The following KIAA1217 variants were observed in gnomAD, a reference collection of about 807,000 sequenced individuals.
KIAA1217 encodes the protein KIAA1217.
Under a neutral mutation model 163.9 loss-of-function variants are expected in KIAA1217, and 88 were observed. That is an observed-to-expected ratio of 0.54 (90% CI 0.45 to 0.64). KIAA1217 has a LOEUF of 0.64. KIAA1217 is among the 30% of genes least tolerant of loss of function. The pLI is 0.00. For synonymous variants in KIAA1217, 903 were observed against 923.1 expected, an observed-to-expected ratio of 0.98 and a Z score of 0.39; for missense variants, 2,372 against 2,475.0, an observed-to-expected ratio of 0.96 and a Z score of 0.88.
chr10:24,028,785 CA>C (rs1848072097), intron 2 of KIAA1217, among the ~76,000 whole-genome samples: 2 of 151,762 alleles, frequency 1.3e-5, no homozygotes, highest in Admixed American at 1.3e-4. Context: ...TGAGGAGTAC[CA>C]AAAAAATCTG....
chr10:24,223,311 C>T (rs1205200152), intron 2 of KIAA1217, among the ~76,000 whole-genome samples: 1 of 152,186 alleles, frequency 6.6e-6, no homozygotes, highest in East Asian at 1.9e-4. Context: ...ATTGTAAACA[C>T]CAGAGATCGG....
intron 2 of KIAA1217, among the ~76,000 whole-genome samples, chr10:24,018,147 A>T (rs1384502597): frequency 2.6e-5 from 4 of 151,950 alleles, no homozygotes; most frequent in African/African-American, 9.7e-5. Flanking sequence ...TAAAAAAAAA[A>T]TTATAAGGAG....
chr10:24,250,717 C>T (rs1418573793), intron 2 of KIAA1217, among the ~76,000 whole-genome samples: 7 of 122,922 alleles, frequency 5.7e-5, no homozygotes, highest in African/African-American at 1.9e-4. Context: ...TCACAAAGTG[C>T]TGGGATTACA....
intron 3 of KIAA1217, among the ~76,000 whole-genome samples, chr10:24,427,266 G>A (rs1011100990): frequency 4.7e-5 from 7 of 150,390 alleles, no homozygotes; most frequent in Admixed American, 1.3e-4. Context: ...CATTCCCTTC[G>A]GTTGAGGTAA....
chr10:24,049,109 G>A (rs912571749), intron 2 of KIAA1217, among the ~76,000 whole-genome samples: 15 of 149,932 alleles, frequency 1.0e-4, no homozygotes, highest in Non-Finnish European at 1.6e-4. Flanking sequence ...TCTTCTTACC[G>A]TACTTTATTT....
chr10:24,041,925 G>C (rs1408125235), intron 2 of KIAA1217, among the ~76,000 whole-genome samples: 3 of 151,500 alleles, frequency 2.0e-5, no homozygotes, highest in Non-Finnish European at 4.4e-5. Context: ...TGTGTAGTCT[G>C]TGCATGCAAG....
chr10:23,957,025 C>A (rs1554830284), intron 1 of KIAA1217, among the ~76,000 whole-genome samples: 1 of 152,182 alleles, frequency 6.6e-6, no homozygotes, highest in Non-Finnish European at 1.5e-5. Context: ...GCCTGCACCA[C>A]CCCACTGGCT....
At chr10:23,878,072 T>C (rs1416311486) in intron 1 of KIAA1217, among the ~76,000 whole-genome samples, 1 of 151,852 alleles carries the variant, frequency 6.6e-6, no homozygotes, top group Non-Finnish European at 1.5e-5. Flanking sequence ...GCCCTCTGCT[T>C]TTTTTTCTTG....
chr10:23,952,650 C>T (rs1048222536), intron 1 of KIAA1217, among the ~76,000 whole-genome samples: 10 of 152,194 alleles, frequency 6.6e-5, no homozygotes, highest in African/African-American at 1.9e-4. Context: ...ATTTCACCTT[C>T]GTGAGCCTCA....
At chr10:24,346,961 A>AT (rs1482528650) in intron 2 of KIAA1217, among the ~76,000 whole-genome samples, 1 of 152,206 alleles carries the variant, frequency 6.6e-6, no homozygotes, top group African/African-American at 2.4e-5. Context: ...GAATCTGAAG[A>AT]TACTTCCTCA....
chr10:23,918,733 TACACACAC>T (rs1554823731), intron 1 of KIAA1217, among the ~76,000 whole-genome samples: 7 of 147,582 alleles, frequency 4.7e-5, no homozygotes, highest in South Asian at 4.3e-4. Flanking sequence ...ATTAAATATA[TACACACAC>T]ACACACACAC....
intron 2 of KIAA1217, among the ~76,000 whole-genome samples, chr10:24,359,905 T>C (rs1033201402): frequency 6.6e-6 from 1 of 152,092 alleles, no homozygotes; most frequent in Non-Finnish European, 1.5e-5. Context: ...CTTTAAGTAT[T>C]TTAAACAGTT....
chr10:24,198,523 T>C (rs1183770858), intron 2 of KIAA1217, among the ~76,000 whole-genome samples: 1 of 150,316 alleles, frequency 6.7e-6, no homozygotes. Flanking sequence ...GCAGGAGAAT[T>C]GCTTGAACCC....
At chr10:23,995,450 C>CTGTG (rs58865993) in intron 1 of KIAA1217, among the ~76,000 whole-genome samples, 6,391 of 147,766 alleles carry the variant, frequency 0.043, 263 homozygotes, top group African/African-American at 0.11. Flanking sequence ...CAATTATGGC[C>CTGTG]TGTGTGTGTG....
intron 2 of KIAA1217, among the ~76,000 whole-genome samples, chr10:24,020,413 A>T (rs7920150): frequency 1.3e-5 from 2 of 152,238 alleles, no homozygotes; most frequent in African/African-American, 4.8e-5. Context: ...TCTGCTGCTC[A>T]TAAGCTTGAG....
Position 24,544,424 on chromosome 10 carries a change from G to A in KIAA1217, c.5154G>A (p.Pro1718=), listed in dbSNP as rs777495201. 9.3e-6 allele frequency: 15 copies of A among 1,613,940 alleles called. No individual in the cohort carries two copies. The highest frequency in any genetic ancestry group is 1.3e-5 in the African/African-American group (1 of 74,890). Residue 1718 remains proline, a synonymous_variant, in exon 19 of 21, where the codon CCG becomes CCA. Transcript: ENST00000376454. The stretch of plus-strand genomic sequence containing the variant: ...CCTCTCCCCGACCCTTGCTAGTTCC[G>A]GATGAAGGTCCCACTGCCCTAGAGC... The part of the protein sequence containing the change: ...QEASPRPLLV[P]DEGPTALEPP...
chr10:23,827,765 T>C (rs562474321), intron 1 of KIAA1217, among the ~76,000 whole-genome samples: 2 of 152,346 alleles, frequency 1.3e-5, no homozygotes, highest in South Asian at 4.1e-4. Context: ...GTATGATTCC[T>C]GTGTGCACGA....
At chr10:24,252,535 G>A (rs1387244636) in intron 2 of KIAA1217, among the ~76,000 whole-genome samples, 1 of 152,132 alleles carries the variant, frequency 6.6e-6, no homozygotes, top group Non-Finnish European at 1.5e-5. Flanking sequence ...AGCTCTGATT[G>A]CGCCACTGTG....
intron 6 of KIAA1217, among the ~76,000 whole-genome samples, chr10:24,478,290 A>G (rs2064260469): frequency 6.6e-6 from 1 of 152,238 alleles, no homozygotes; most frequent in African/African-American, 2.4e-5. Flanking sequence ...TGTTGACTTG[A>G]AAATAGCTCA....
Sources: gnomAD v4.1 joint callset for allele counts (sites outside exome capture counted in the v4.1 genomes callset) on GRCh38, gnomAD v4.1.1 for gene constraint, MANE v1.5 for transcripts, NCBI Gene and HGNC (gene_info 2026-07-23, HGNC 2026-07-21) for gene names.